COL24A1: variants seen among roughly 807,000 people sequenced by gnomAD.
COL24A1 encodes the protein collagen type XXIV alpha 1 chain, also known as collagen alpha-1(XXIV) chain.
In COL24A1, 224 loss-of-function variants were observed where a neutral mutation model predicts 253.9. That is an observed-to-expected ratio of 0.88 (90% CI 0.79 to 0.99). The LOEUF is 0.99. COL24A1 is among the 50% of genes least tolerant of loss of function. The pLI is 0.00. For synonymous variants in COL24A1, 685 were observed against 673.7 expected (o/e 1.02, Z -0.26); for missense variants, 2,131 against 2,068.5 (o/e 1.03, Z -0.59).
chr1:85,819,062 C>T (rs1364839778), intron 45 of COL24A1, among the ~76,000 whole-genome samples: 1 of 152,142 alleles, frequency 6.6e-6, no homozygotes, highest in Admixed American at 6.5e-5. Flanking sequence ...CCAACTTTTG[C>T]AGGATTTGAC....
intron 57 of COL24A1, among the ~76,000 whole-genome samples, chr1:85,741,122 A>T (rs1172793094): frequency 6.6e-6 from 1 of 150,498 alleles, no homozygotes; most frequent in Admixed American, 6.6e-5. Flanking sequence ...CTGCCTCAAA[A>T]AAAAAAAAAA....
At chr1:85,933,372 TA>T (rs1687975552) in intron 24 of COL24A1, among the ~76,000 whole-genome samples, 1 of 150,240 alleles carries the variant, frequency 6.7e-6, no homozygotes, top group Admixed American at 6.7e-5. Flanking sequence ...TAATTTTTTT[TA>T]ACACACTATT....
At chr1:85,740,992 G>A (rs1338610632) in intron 57 of COL24A1, among the ~76,000 whole-genome samples, 4 of 145,384 alleles carry the variant, frequency 2.8e-5, no homozygotes, top group East Asian at 2.0e-4. Flanking sequence ...CGTGGCTGGC[G>A]CCTATAATCC....
intron 21 of COL24A1, 124 bp downstream of exon 21, chr1:85,971,216 A>T: frequency 1.3e-6 from 1 of 748,564 alleles, no homozygotes; most frequent in Non-Finnish European, 2.3e-6. Context: ...CTAAATATAT[A>T]AATAAAATGG....
chr1:86,028,089 T>C (rs1698220980), intron 14 of COL24A1, among the ~76,000 whole-genome samples: 1 of 152,240 alleles, frequency 6.6e-6, no homozygotes, highest in African/African-American at 2.4e-5. Flanking sequence ...ACCCAATGCC[T>C]GTACCCCCAT....
intron 10 of COL24A1, among the ~76,000 whole-genome samples, chr1:86,054,296 T>C (rs12750946): frequency 0.11 from 16,204 of 151,946 alleles, 944 homozygotes; most frequent in Middle Eastern, 0.19. Flanking sequence ...TTGGCAATTG[T>C]AACCTAATTA....
chr1:85,828,201 G>A (rs2102054673), intron 43 of COL24A1, among the ~76,000 whole-genome samples: 1 of 152,150 alleles, frequency 6.6e-6, no homozygotes, highest in East Asian at 1.9e-4. Context: ...TTCAGGAGCA[G>A]ATTGTTCAGT....
intron 24 of COL24A1, among the ~76,000 whole-genome samples, chr1:85,945,965 A>C (rs1479932213): frequency 6.6e-6 from 1 of 152,156 alleles, no homozygotes; most frequent in African/African-American, 2.4e-5. Context: ...CCTGCTTACA[A>C]GACTGGCTCT....
chr1:85,755,948 G>A lies in COL24A1; in HGVS notation c.4437+5448C>T, dbSNP rs141811314. Among the ~76,000 whole-genome samples, 239 of 147,236 alleles carry A rather than the reference G, an allele frequency of 1.6e-3. 3 individuals carry two copies. The highest frequency in any genetic ancestry group is 0.015 in the South Asian group (70 of 4,698). Reference sequence around the variant, plus strand: ...TCTGTGCATCAAGGGACACTATAAAGAGAGTGAAAAGGCAACCCAACGGAT... The same window carrying A: ...TCTGTGCATCAAGGGACACTATAAAAAGAGTGAAAAGGCAACCCAACGGAT... On this transcript the variant is annotated intron_variant, in intron 55 of 59. Coordinates refer to ENST00000370571, the MANE Select transcript of COL24A1 (RefSeq NM_152890.7).
At chr1:85,885,914 G>A (rs769427095) in intron 32 of COL24A1, among the ~76,000 whole-genome samples, 1 of 152,038 alleles carries the variant, frequency 6.6e-6, no homozygotes, top group Non-Finnish European at 1.5e-5. Flanking sequence ...TGTCTTTATG[G>A]CCTTCAGCTC....
chr1:86,036,853 T>C (rs1247556677), intron 12 of COL24A1, among the ~76,000 whole-genome samples: 2 of 152,196 alleles, frequency 1.3e-5, no homozygotes, highest in South Asian at 2.1e-4. Context: ...AGAAAATTAT[T>C]ATCATTAATT....
intron 53 of COL24A1, among the ~76,000 whole-genome samples, chr1:85,774,248 G>A (rs1402775007): frequency 6.6e-6 from 1 of 152,146 alleles, no homozygotes; most frequent in African/African-American, 2.4e-5. Flanking sequence ...TAAGCTTTTT[G>A]ATGTACTGCT....
intron 47 of COL24A1, among the ~76,000 whole-genome samples, chr1:85,795,830 C>T (rs1395679726): frequency 6.6e-6 from 1 of 151,830 alleles, no homozygotes; most frequent in Non-Finnish European, 1.5e-5. Flanking sequence ...AGCCAGCAAA[C>T]CCAGAAGTTA....
chr1:86,066,070 A>T (rs988054404), intron 7 of COL24A1, among the ~76,000 whole-genome samples: 1 of 152,172 alleles, frequency 6.6e-6, no homozygotes, highest in African/African-American at 2.4e-5. Context: ...CAAAAGATTC[A>T]CAAACTAATG....
chr1:85,804,290 T>A (rs1444843063), intron 47 of COL24A1, among the ~76,000 whole-genome samples: 2 of 152,156 alleles, frequency 1.3e-5, no homozygotes, highest in East Asian at 3.9e-4. Flanking sequence ...TAGTGATACG[T>A]TCAACAAATC....
At chr1:85,986,485 G>C (rs563146503) in intron 20 of COL24A1, among the ~76,000 whole-genome samples, 29 of 151,858 alleles carry the variant, frequency 1.9e-4, no homozygotes, top group African/African-American at 6.0e-4. Context: ...CTTCAGCATG[G>C]TATTGAATGC....
At chr1:85,771,834 A>G (rs1049331862) in intron 53 of COL24A1, among the ~76,000 whole-genome samples, 2 of 147,448 alleles carry the variant, frequency 1.4e-5, no homozygotes, top group Non-Finnish European at 3.0e-5. Context: ...GTTTTAGGGT[A>G]CATGTGCACA....
At chr1:86,070,861 AG>A (rs1231556195) in intron 7 of COL24A1, among the ~76,000 whole-genome samples, 2 of 152,176 alleles carry the variant, frequency 1.3e-5, no homozygotes, top group African/African-American at 4.8e-5. Flanking sequence ...GAAAAAAAAA[AG>A]AATGTTACTG....
chr1:85,945,740 TA>T (rs1689268158), intron 24 of COL24A1, among the ~76,000 whole-genome samples: 2 of 151,454 alleles, frequency 1.3e-5, no homozygotes, highest in African/African-American at 4.9e-5. Context: ...TCAGACTTCC[TA>T]TAGGCAACTT....
Sources: gnomAD v4.1 joint callset for allele counts (sites outside exome capture counted in the v4.1 genomes callset) on GRCh38, gnomAD v4.1.1 for gene constraint, MANE v1.5 for transcripts, NCBI Gene and HGNC (gene_info 2026-07-23, HGNC 2026-07-21) for gene names.